Variants in SHISA9 observed in about 807,000 individuals in gnomAD.
SHISA9 encodes protein shisa-9.
A neutral mutation model predicts 38.0 loss-of-function variants in SHISA9; 13 were observed. The ratio of observed to expected loss-of-function variants is 0.34; its 90% CI spans 0.22 to 0.54. The LOEUF (loss-of-function observed/expected upper bound fraction) is 0.54, where lower values mean the gene tolerates loss of function less well. Among genes scored for constraint, SHISA9 ranks in the 20% least tolerant of loss-of-function variants. The probability of loss-of-function intolerance (pLI) is 0.91; values close to 1 mark genes in which losing one functional copy is unlikely to be tolerated. For synonymous variants in SHISA9, 275 were observed against 242.0 expected (o/e 1.14, Z -1.27); for missense variants, 538 against 575.8 (o/e 0.93, Z 0.67).
the SHISA9 span, among the ~76,000 whole-genome samples, chr16:13,402,677 A>AT: frequency 6.6e-6 from 1 of 152,114 alleles, no homozygotes; most frequent in East Asian, 1.9e-4. Flanking sequence ...ACGCCCGGCT[A>AT]TTTTTTGTAT....
intron 3 of SHISA9, among the ~76,000 whole-genome samples, chr16:13,210,659 C>A (rs1421139371): frequency 6.6e-6 from 1 of 152,166 alleles, no homozygotes; most frequent in Non-Finnish European, 1.5e-5. Context: ...AGTTTAATTT[C>A]TTTTCAAGTT....
chr16:12,943,175 G>T (rs1380346067), intron 2 of SHISA9, among the ~76,000 whole-genome samples: 1 of 151,982 alleles, frequency 6.6e-6, no homozygotes, highest in Non-Finnish European at 1.5e-5. Flanking sequence ...GTGGTGCTCT[G>T]ATTGGTTGGT....
intron 2 of SHISA9, among the ~76,000 whole-genome samples, chr16:13,122,653 C>T (rs2050223452): frequency 1.3e-5 from 2 of 152,200 alleles, no homozygotes; most frequent in Non-Finnish European, 1.5e-5. Flanking sequence ...AGGACATTGA[C>T]ATTAGCAGAC....
At chr16:13,327,158 A>G in the SHISA9 span, among the ~76,000 whole-genome samples, 1 of 152,116 alleles carries the variant, frequency 6.6e-6, no homozygotes, top group Non-Finnish European at 1.5e-5. Flanking sequence ...GTACTTTTTT[A>G]ACGTACCAAG....
chr16:13,557,229 T>G, the SHISA9 span, among the ~76,000 whole-genome samples: 3 of 152,250 alleles, frequency 2.0e-5, no homozygotes, highest in Non-Finnish European at 4.4e-5. Context: ...CTTGCACTCT[T>G]CTTGAATCTG....
At chr16:13,348,018 G>T in the SHISA9 span, among the ~76,000 whole-genome samples, 3 of 152,308 alleles carry the variant, frequency 2.0e-5, no homozygotes, top group Admixed American at 2.0e-4. Flanking sequence ...TCACAAGGGT[G>T]AGTGAGGCTT....
chr16:13,132,934 C>G (rs111502308), intron 2 of SHISA9, among the ~76,000 whole-genome samples: 1 of 152,172 alleles, frequency 6.6e-6, no homozygotes, highest in Non-Finnish European at 1.5e-5. Flanking sequence ...TTCTGTGTGA[C>G]CTTGTCCATC....
At chr16:13,536,075 C>T in the SHISA9 span, among the ~76,000 whole-genome samples, 13 of 151,882 alleles carry the variant, frequency 8.6e-5, no homozygotes, top group Admixed American at 2.0e-4. Flanking sequence ...CTCGGCTCAC[C>T]GCAACCTCCG....
the SHISA9 span, among the ~76,000 whole-genome samples, chr16:13,260,396 C>A: frequency 6.6e-6 from 1 of 152,250 alleles, no homozygotes; most frequent in South Asian, 2.1e-4. Flanking sequence ...AGCTGAATGC[C>A]TTTAACAGTA....
intron 2 of SHISA9, among the ~76,000 whole-genome samples, chr16:13,112,261 T>C (rs2073986255): frequency 6.6e-6 from 1 of 151,796 alleles, no homozygotes; most frequent in South Asian, 2.1e-4. Context: ...ATAAGAGAAA[T>C]TCAATGCATA....
intron 2 of SHISA9, among the ~76,000 whole-genome samples, chr16:13,022,460 T>C (rs1319254854): frequency 6.6e-6 from 1 of 152,078 alleles, no homozygotes; most frequent in Admixed American, 6.5e-5. Flanking sequence ...GCCTCCCAAG[T>C]AGCTGGGGTT....
chr16:13,414,973 A>T, the SHISA9 span, among the ~76,000 whole-genome samples: 1 of 152,230 alleles, frequency 6.6e-6, no homozygotes, highest in Non-Finnish European at 1.5e-5. Flanking sequence ...AGCAATGTAC[A>T]GAAAATGGAA....
the SHISA9 span, among the ~76,000 whole-genome samples, chr16:13,404,815 G>A: frequency 2.0e-5 from 3 of 152,206 alleles, no homozygotes; most frequent in Admixed American, 6.5e-5. Context: ...AAATGGACAT[G>A]TGATCCAGCA....
chr16:13,401,400 G>A, the SHISA9 span, among the ~76,000 whole-genome samples: 2 of 152,172 alleles, frequency 1.3e-5, no homozygotes, highest in South Asian at 2.1e-4. Flanking sequence ...GGCTGAGCAA[G>A]GCCCACGCAT....
the SHISA9 span, among the ~76,000 whole-genome samples, chr16:13,359,678 A>G: frequency 6.6e-6 from 1 of 152,172 alleles, no homozygotes; most frequent in South Asian, 2.1e-4. Context: ...AGAGGTATTT[A>G]TACATTTAAG....
intron 2 of SHISA9, among the ~76,000 whole-genome samples, chr16:12,933,836 C>T (rs535453940): frequency 5.5e-4 from 84 of 152,028 alleles, no homozygotes; most frequent in South Asian, 4.4e-3. Context: ...GGGTTCTGAC[C>T]ACGGGAGCCT....
At chr16:12,908,766 C>T in intron 1 of SHISA9, 4 of 1,398,350 alleles carry the variant, frequency 2.9e-6, no homozygotes, top group South Asian at 3.1e-5. Context: ...CCCGGCAGGC[C>T]CAGACGTCTT....
the SHISA9 span, among the ~76,000 whole-genome samples, chr16:13,345,582 C>G: frequency 1.3e-5 from 2 of 152,060 alleles, no homozygotes; most frequent in African/African-American, 4.8e-5. Flanking sequence ...GTGCATGTGC[C>G]TTTATAATAG....
At chr16:13,093,045 G>T (rs913934038) in intron 2 of SHISA9, among the ~76,000 whole-genome samples, 2 of 152,182 alleles carry the variant, frequency 1.3e-5, no homozygotes, top group African/African-American at 4.8e-5. Context: ...AAACCCATTT[G>T]TGGAAATACT....
Sources: gnomAD v4.1 joint callset for allele counts (sites outside exome capture counted in the v4.1 genomes callset) on GRCh38, gnomAD v4.1.1 for gene constraint, MANE v1.5 for transcripts, NCBI Gene and HGNC (gene_info 2026-07-23, HGNC 2026-07-21) for gene names.